BANP: variants seen among roughly 807,000 people sequenced by gnomAD.
The protein encoded by BANP is BTG3 associated nuclear protein, also known as protein BANP.
A neutral mutation model predicts 68.1 loss-of-function variants in BANP; 11 were observed. The ratio of observed to expected loss-of-function variants is 0.16; its 90% CI spans 0.10 to 0.27. The LOEUF (loss-of-function observed/expected upper bound fraction) is 0.27, where lower values mean the gene tolerates loss of function less well. Ranked by LOEUF, BANP falls within the 10% of genes least tolerant of loss-of-function variation. The pLI is 1.00. For synonymous variants in BANP, 329 were observed against 303.2 expected (o/e 1.09, Z -0.88); for missense variants, 504 against 722.7 (o/e 0.70, Z 3.47).
rs550729547 is a variant in BANP at position 88,016,817 on chromosome 16, C to T, written c.656-1611C>T. 1.2e-4 allele frequency among the ~76,000 whole-genome samples: 18 copies of T among 152,310 alleles called. No homozygotes were observed. In the South Asian group the frequency reaches 2.5e-3, roughly 21 times the overall value. ...TGAGCGTACGTTCCTGGCAGCATCC[C>T]TGTACTTCTAAACCACCTCTGAGCA... On this transcript the variant is annotated intron_variant, in intron 6 of 13. Coordinates refer to ENST00000682872, the MANE Select transcript of BANP (RefSeq NM_001386991.1).
At chr16:88,047,996 G>A (rs1271467462) in intron 11 of BANP, among the ~76,000 whole-genome samples, 1 of 152,234 alleles carries the variant, frequency 6.6e-6, no homozygotes, top group African/African-American at 2.4e-5. Flanking sequence ...CCCTGGGGAG[G>A]GCAGGAAAGC....
intron 9 of BANP, chr16:88,035,012 G>A (rs2152749752): frequency 6.5e-6 from 2 of 309,154 alleles, no homozygotes; most frequent in East Asian, 1.5e-4. Flanking sequence ...TGTCCAGCAT[G>A]TCCAAGCTGT....
intron 8 of BANP, among the ~76,000 whole-genome samples, chr16:88,029,863 G>C (rs2077775865): frequency 6.6e-6 from 1 of 152,266 alleles, no homozygotes; most frequent in African/African-American, 2.4e-5. Flanking sequence ...GAGAGAGGCT[G>C]AGGCAGCAGA....
chr16:88,049,627 C>G (rs2082788002), intron 11 of BANP, among the ~76,000 whole-genome samples: 1 of 152,196 alleles, frequency 6.6e-6, no homozygotes, highest in African/African-American at 2.4e-5. Context: ...GGCATCATAA[C>G]AAGAGACGAA....
In BANP at chr16:87,999,132, A is replaced by G. The variant is rs1402112104; in HGVS notation, c.363-5163A>G. On this transcript the variant is annotated intron_variant, in intron 4 of 13. Coordinates refer to ENST00000682872, the MANE Select transcript of BANP (RefSeq NM_001386991.1). ...CAGACACCCAGACACGTCTCCATGCATGCACGTGCATGGCTGTACTTACCT... is the reference window on the plus strand; with the variant it reads ...CAGACACCCAGACACGTCTCCATGCGTGCACGTGCATGGCTGTACTTACCT... Among the ~76,000 whole-genome samples, 3 of 134,932 alleles carry G rather than the reference A, an allele frequency of 2.2e-5. 1 individual carries two copies. The highest frequency in any genetic ancestry group is 5.6e-3 in the Middle Eastern group (1 of 180). 88.5% of individuals were successfully genotyped at this position (134,932 alleles called of 152,430 possible).
intron 11 of BANP, among the ~76,000 whole-genome samples, chr16:88,062,836 A>C (rs890986326): frequency 6.6e-6 from 1 of 152,258 alleles, no homozygotes; most frequent in East Asian, 1.9e-4. Context: ...TCTACCCCTG[A>C]AGGCCTGCAT....
chr16:88,014,235 G>A (rs547736730), intron 6 of BANP, among the ~76,000 whole-genome samples: 27 of 152,344 alleles, frequency 1.8e-4, no homozygotes, highest in African/African-American at 5.8e-4. Flanking sequence ...GGGCAGCTCC[G>A]TGTGGGGTGG....
At chr16:88,009,912 G>C (rs1598400027) in intron 6 of BANP, among the ~76,000 whole-genome samples, 1 of 149,904 alleles carries the variant, frequency 6.7e-6, no homozygotes, top group Non-Finnish European at 1.5e-5. Context: ...GCTCCTGACT[G>C]TTGAAAGCAT....
chr16:88,002,285 G>C lies in BANP; in HGVS notation c.363-2010G>C, dbSNP rs527363594. 1.3e-5 allele frequency among the ~76,000 whole-genome samples: 2 copies of C among 152,072 alleles called. No individual in the cohort carries two copies. The highest frequency in any genetic ancestry group is 2.9e-5 in the Non-Finnish European group (2 of 67,988). The stretch of plus-strand genomic sequence containing the variant: ...TCTCAGTGGTCTGTCCTCAGAAACT[G>C]TTTTTGATGATCTCTGTCTATTTTG... On this transcript the variant is annotated intron_variant, in intron 4 of 13. Transcript: ENST00000682872. The surrounding 1 kb of genome is among the most constrained non-coding windows in gnomAD (Gnocchi z 4.6).
chr16:88,036,891 G>C lies in BANP; in HGVS notation c.1273-1082G>C, dbSNP rs1443332788. On this transcript the variant is annotated intron_variant, in intron 10 of 13. Transcript: ENST00000682872. The surrounding 1 kb of genome is among the most constrained non-coding windows in gnomAD (Gnocchi z 4.2). The stretch of plus-strand genomic sequence containing the variant: ...GAGATGTCAGGAGATGCGCCTGTCA[G>C]CTCAGCGAGGTCAGGTGCAGGAGTT... Among the ~76,000 whole-genome samples the C allele has an allele frequency of 6.6e-6, 1 of 152,178 alleles. No individual in the cohort carries two copies. The highest frequency in any genetic ancestry group is 2.4e-5 in the African/African-American group (1 of 41,434).
intron 11 of BANP, among the ~76,000 whole-genome samples, chr16:88,046,734 C>G (rs1166233583): frequency 6.6e-6 from 1 of 151,538 alleles, no homozygotes; most frequent in Non-Finnish European, 1.5e-5. Flanking sequence ...TTTTAGTAGA[C>G]ACGGGGTTTC....
chr16:88,006,931 G>A (rs1251897354), intron 6 of BANP, among the ~76,000 whole-genome samples: 5 of 139,446 alleles, frequency 3.6e-5, no homozygotes, highest in African/African-American at 1.1e-4. Context: ...TAGCCTGGGC[G>A]TCAGAGACTC....
At chr16:87,961,198 G>A (rs960309497) in intron 1 of BANP, among the ~76,000 whole-genome samples, 2 of 152,192 alleles carry the variant, frequency 1.3e-5, no homozygotes, top group Non-Finnish European at 1.5e-5. Context: ...CAGCCTTTAA[G>A]GAAAAATAAA....
At chr16:87,975,973 G>A (rs767890669) in intron 2 of BANP, among the ~76,000 whole-genome samples, 3 of 151,412 alleles carry the variant, frequency 2.0e-5, no homozygotes, top group African/African-American at 7.3e-5. Context: ...ACCATGTGGT[G>A]TGTGTAATCC....
At chr16:87,956,799 G>A (rs2058138090) in intron 1 of BANP, 1 of 152,122 alleles carries the variant, frequency 6.6e-6, no homozygotes, top group Admixed American at 6.6e-5. Context: ...CCCCCCCTTT[G>A]GAAGAGACGA....
At position 88,076,927 on chromosome 16, in the gene BANP, G is replaced by A. The variant is rs970098853; in HGVS notation, c.*266G>A. The A allele has an allele frequency of 1.4e-5, 6 of 436,286 alleles. No individual in the cohort carries two copies. The highest frequency in any genetic ancestry group is 4.5e-5 in the South Asian group (1 of 22,446). 27.0% of individuals were successfully genotyped at this position (436,286 alleles called of 1,614,324 possible). A position where few individuals can be genotyped will look rare whatever the true frequency, so the allele number is the denominator to read the frequency against. Reference sequence around the variant, plus strand: ...ACGGTGCGGAGAGCGTCGCATATGCGCGGGAAATCAAGAACTATGATATTT... The same window carrying A: ...ACGGTGCGGAGAGCGTCGCATATGCACGGGAAATCAAGAACTATGATATTT... On this transcript the variant is annotated 3_prime_UTR_variant, in exon 14 of 14. Transcript: ENST00000682872.
At chr16:88,047,788 C>G (rs1161276751) in intron 11 of BANP, among the ~76,000 whole-genome samples, 1 of 152,228 alleles carries the variant, frequency 6.6e-6, no homozygotes, top group Non-Finnish European at 1.5e-5. Flanking sequence ...GAATGTGGTA[C>G]ATAGTGAACT....
At chr16:88,043,343 C>T (rs192125442) in intron 11 of BANP, among the ~76,000 whole-genome samples, 1 of 152,300 alleles carries the variant, frequency 6.6e-6, no homozygotes, top group African/African-American at 2.4e-5. Flanking sequence ...GTTCTGGGTG[C>T]TTCTTCATTG....
chr16:87,984,366 G>A, intron 4 of BANP, 107 bp downstream of exon 4: 2 of 1,254,818 alleles, frequency 1.6e-6, no homozygotes, highest in South Asian at 2.9e-5. Flanking sequence ...GAGATGCGCG[G>A]TGTCTGCCTC....
Sources: allele counts gnomAD v4.1 joint callset (sites outside exome capture counted in the v4.1 genomes callset), GRCh38; gene constraint gnomAD v4.1.1; non-coding constraint Gnocchi (gnomAD v3.1); transcripts MANE v1.5; gene names NCBI Gene and HGNC (gene_info 2026-07-23, HGNC 2026-07-21).